MLLT10: variants seen among roughly 807,000 people sequenced by gnomAD.
The protein encoded by MLLT10 is protein AF-10.
MLLT10 carries 30 observed loss-of-function variants against 129.1 expected under a neutral mutation model. That is an observed-to-expected ratio of 0.23 (90% CI 0.17 to 0.32). The LOEUF is 0.32. Ranked by LOEUF, MLLT10 falls within the 10% of genes least tolerant of loss-of-function variation. MLLT10 has a pLI of 1.00. For missense variants in MLLT10, 1,119 were observed against 1,268.3 expected (o/e 0.88, Z 1.79); for synonymous variants, 490 against 446.4 (o/e 1.10, Z -1.23).
At chr10:21,707,229 G>T (rs2055606714) in intron 13 of MLLT10, among the ~76,000 whole-genome samples, 1 of 126,668 alleles carries the variant, frequency 7.9e-6, no homozygotes. Context: ...GTTTCGCTCT[G>T]TTGCCCAGGC....
At chr10:21,581,226 T>G (rs2041417437) in intron 3 of MLLT10, among the ~76,000 whole-genome samples, 1 of 151,610 alleles carries the variant, frequency 6.6e-6, no homozygotes, top group Non-Finnish European at 1.5e-5. Flanking sequence ...TTTTTGTACT[T>G]TTAGTAGAGA....
At chr10:21,681,022 T>G (rs1398817196) in intron 11 of MLLT10, among the ~76,000 whole-genome samples, 1 of 152,174 alleles carries the variant, frequency 6.6e-6, no homozygotes, top group African/African-American at 2.4e-5. Context: ...CTCCCATTAA[T>G]GAAGCCTTTT....
intron 3 of MLLT10, among the ~76,000 whole-genome samples, chr10:21,577,061 T>C (rs2040844581): frequency 6.6e-6 from 1 of 152,228 alleles, no homozygotes; most frequent in South Asian, 2.1e-4. Context: ...CTCCTGACAA[T>C]CACTAATCTT....
chr10:21,562,121 C>T (rs1193596795), intron 3 of MLLT10, among the ~76,000 whole-genome samples: 1 of 151,976 alleles, frequency 6.6e-6, no homozygotes, highest in Non-Finnish European at 1.5e-5. Flanking sequence ...GTTTTGATTA[C>T]TGTAGCTTTG....
chr10:21,689,917 C>T (rs769122411), intron 13 of MLLT10, among the ~76,000 whole-genome samples: 1 of 151,654 alleles, frequency 6.6e-6, no homozygotes, highest in African/African-American at 2.4e-5. Context: ...AATGAGGATC[C>T]TGGAAGTCAA....
At chr10:21,609,201 G>T (rs1159790959) in intron 5 of MLLT10, among the ~76,000 whole-genome samples, 3 of 151,960 alleles carry the variant, frequency 2.0e-5, no homozygotes, top group Non-Finnish European at 4.4e-5. Flanking sequence ...ACCACTTATT[G>T]TCCTTAACCT....
intron 17 of MLLT10, among the ~76,000 whole-genome samples, chr10:21,732,347 G>T (rs909306287): frequency 2.0e-5 from 3 of 152,182 alleles, no homozygotes; most frequent in Non-Finnish European, 4.4e-5. Context: ...AGGTGGCTGG[G>T]CGCACACATA....
intron 21 of MLLT10, 102 bp from the exon 22 acceptor site, chr10:21,739,928 G>C: frequency 1.1e-6 from 1 of 888,200 alleles, no homozygotes; most frequent in East Asian, 2.7e-5. Context: ...TTCTTTCTTT[G>C]CAAATATCTA....
intron 3 of MLLT10, among the ~76,000 whole-genome samples, chr10:21,578,536 C>G (rs1285771258): frequency 6.6e-6 from 1 of 152,082 alleles, no homozygotes; most frequent in East Asian, 1.9e-4. Context: ...TGTTGTTTAA[C>G]CGAGTCCTAA....
intron 13 of MLLT10, among the ~76,000 whole-genome samples, chr10:21,689,662 T>TATA (rs67833854): frequency 3.7e-5 from 5 of 136,524 alleles, no homozygotes; most frequent in African/African-American, 1.1e-4. Flanking sequence ...TATATATATA[T>TATA]TTTTTTTTTC....
chr10:21,704,016 G>GTTTTTTT (rs60982595), intron 13 of MLLT10, among the ~76,000 whole-genome samples: 945 of 56,622 alleles, frequency 0.017, 24 homozygotes, highest in Middle Eastern at 0.026. Context: ...ATTGTTTTTT[G>GTTTTTTT]TTTTTTTTTT....
chr10:21,711,486 G>T, intron 13 of MLLT10, among the ~76,000 whole-genome samples: 1 of 151,464 alleles, frequency 6.6e-6, no homozygotes, highest in Non-Finnish European at 1.5e-5. Context: ...ACTTTGGGAG[G>T]TTGAGGTGGG....
At chr10:21,741,274 TC>T (rs11290537) in intron 22 of MLLT10, among the ~76,000 whole-genome samples, 104,067 of 151,908 alleles carry the variant, frequency 0.69, 36,794 homozygotes, top group East Asian at 0.97. Context: ...TAGTATTTTT[TC>T]CCCCCCAGTG....
chr10:21,630,288 T>C (rs542529752), intron 8 of MLLT10, among the ~76,000 whole-genome samples: 1 of 152,212 alleles, frequency 6.6e-6, no homozygotes, highest in African/African-American at 2.4e-5. Context: ...ACAGGAGATA[T>C]TGGAGCATGG....
chr10:21,613,000 C>A (rs542901377), intron 6 of MLLT10, among the ~76,000 whole-genome samples: 3 of 152,076 alleles, frequency 2.0e-5, no homozygotes, highest in South Asian at 4.2e-4. Flanking sequence ...TCCAGACCAG[C>A]CTGGCCAACA....
In MLLT10 at chr10:21,645,645, C is replaced by G. The variant is rs187392042; in HGVS notation, c.700-6028C>G. Among the ~76,000 whole-genome samples the G allele has an allele frequency of 4.8e-4, 73 of 152,270 alleles. 2 individuals carry two copies. Among genetic ancestry groups the G allele is most frequent in the Admixed American group, 4.1e-3 (62 of 15,302 alleles). On this transcript the variant is annotated intron_variant, in intron 8 of 22. Transcript: ENST00000307729. ...TAGCAAATCTTTTTAATAATTTACT[C>G]TAGAGTTTTCCTGAGAGGTAACTTC...
intron 8 of MLLT10, among the ~76,000 whole-genome samples, chr10:21,647,850 A>C (rs2048648694): frequency 6.6e-6 from 1 of 151,900 alleles, no homozygotes; most frequent in Middle Eastern, 3.4e-3. Context: ...TTTAATTTGC[A>C]TAGCTAAGTC....
chr10:21,594,507 C>T (rs562511009), intron 4 of MLLT10, among the ~76,000 whole-genome samples: 8 of 146,098 alleles, frequency 5.5e-5, no homozygotes. Flanking sequence ...GAGACGAGAT[C>T]GCGCCACTGC....
At chr10:21,559,749 G>C (rs1351372991) in intron 3 of MLLT10, among the ~76,000 whole-genome samples, 2 of 152,086 alleles carry the variant, frequency 1.3e-5, no homozygotes, top group Non-Finnish European at 2.9e-5. Context: ...TGTTTTCAAG[G>C]TTCGTCTATG....
Sources: gnomAD v4.1 joint callset for allele counts (sites outside exome capture counted in the v4.1 genomes callset) on GRCh38, gnomAD v4.1.1 for gene constraint, MANE v1.5 for transcripts, NCBI Gene and HGNC (gene_info 2026-07-23, HGNC 2026-07-21) for gene names.